The following ERN1 variants were observed in gnomAD, a reference collection of about 807,000 sequenced individuals.
The protein encoded by ERN1 is serine/threonine-protein kinase/endoribonuclease IRE1.
A neutral mutation model predicts 113.1 loss-of-function variants in ERN1; 39 were observed. That is an observed-to-expected ratio of 0.34 (90% CI 0.27 to 0.45). The LOEUF (loss-of-function observed/expected upper bound fraction) is 0.45. ERN1 is among the 20% of genes least tolerant of loss of function. The pLI is 1.00. For synonymous variants in ERN1, 507 were observed against 515.9 expected (o/e 0.98, Z 0.23); for missense variants, 976 against 1,274.8 (o/e 0.77, Z 3.57).
intron 18 of ERN1, 146 bp from the exon 19 acceptor site, chr17:64,048,131 A>C: frequency 1.3e-6 from 1 of 767,474 alleles, no homozygotes. Flanking sequence ...ACAGACACAA[A>C]ACCTCAGCCA....
chr17:64,107,579 T>A (rs1251083517), intron 1 of ERN1, among the ~76,000 whole-genome samples: 1 of 152,106 alleles, frequency 6.6e-6, no homozygotes, highest in Non-Finnish European at 1.5e-5. Flanking sequence ...GCCTCACCTC[T>A]CAAAGTGCTG....
chr17:64,120,073 T>A (rs910082654), intron 1 of ERN1, among the ~76,000 whole-genome samples: 22 of 152,022 alleles, frequency 1.4e-4, no homozygotes, highest in South Asian at 4.2e-4. Context: ...ATTTTTTTTT[T>A]AAAAAAGAAA....
intron 2 of ERN1, among the ~76,000 whole-genome samples, chr17:64,092,918 G>C (rs1168100179): frequency 6.6e-6 from 1 of 152,202 alleles, no homozygotes; most frequent in Non-Finnish European, 1.5e-5. Flanking sequence ...ATTCACTGGT[G>C]AGGTTTTAGA....
At chr17:64,077,359 C>T (rs1913624188) in intron 4 of ERN1, among the ~76,000 whole-genome samples, 1 of 152,204 alleles carries the variant, frequency 6.6e-6, no homozygotes, top group Non-Finnish European at 1.5e-5. Context: ...TCAAGTTTCA[C>T]AAAGTGAACA....
At chr17:64,084,982 T>C (rs375552630) in intron 2 of ERN1, among the ~76,000 whole-genome samples, 16 of 152,212 alleles carry the variant, frequency 1.1e-4, no homozygotes, top group African/African-American at 3.6e-4. Context: ...CCCTGCTTAA[T>C]TTTTCTCCAT....
intron 2 of ERN1, among the ~76,000 whole-genome samples, chr17:64,082,348 G>A (rs1326925525): frequency 1.3e-5 from 2 of 152,146 alleles, no homozygotes; most frequent in Non-Finnish European, 2.9e-5. Context: ...ACAGACTGAT[G>A]CAAGAGACAG....
chr17:64,071,613 G>T lies in ERN1; in HGVS notation c.478+368C>A, dbSNP rs545147844. On this transcript the variant is annotated intron_variant, in intron 6 of 21. Coordinates refer to ENST00000433197, the MANE Select transcript of ERN1 (RefSeq NM_001433.5). ...TTTTGTATTTTTTTAGTACAGATGG[G>T]GTTTCGCCATGTTGGTCAGGCTGGT... Among the ~76,000 whole-genome samples the T allele has an allele frequency of 1.7e-4, 26 of 152,156 alleles. No individual in the cohort carries two copies. The South Asian group carries it at 5.0e-3, about 29-fold the overall frequency.
At chr17:64,077,743 TTTC>T (rs1242127279) in intron 4 of ERN1, among the ~76,000 whole-genome samples, 2 of 147,814 alleles carry the variant, frequency 1.4e-5, no homozygotes, top group African/African-American at 5.0e-5. Context: ...CAAAAGTGCA[TTTC>T]TTCTTTTTTT....
chr17:64,061,399 CACTCT>C (rs1913050125), intron 10 of ERN1, among the ~76,000 whole-genome samples: 1 of 152,204 alleles, frequency 6.6e-6, no homozygotes, highest in Non-Finnish European at 1.5e-5. Flanking sequence ...GAGCAGATCT[CACTCT>C]GACTCACGTC....
intron 1 of ERN1, among the ~76,000 whole-genome samples, chr17:64,109,587 G>A (rs762267190): frequency 3.3e-5 from 5 of 152,162 alleles, no homozygotes; most frequent in Admixed American, 6.5e-5. Flanking sequence ...AAGTCCATGC[G>A]GTTCCACACA....
chr17:64,053,047 T>G, intron 16 of ERN1, 68 bp from the exon 17 acceptor site: 2 of 1,290,474 alleles, frequency 1.5e-6, no homozygotes, highest in Non-Finnish European at 2.2e-6. Context: ...CAATGGGGAA[T>G]GTGTCCTCGT....
At chr17:64,056,033 G>A in intron 12 of ERN1, 85 bp from the exon 13 acceptor site, 1 of 1,460,262 alleles carries the variant, frequency 6.8e-7, no homozygotes, top group East Asian at 2.5e-5. Context: ...CCCAGTGGCG[G>A]AGGGAGCATG....
chr17:64,108,985 G>T (rs549969782), intron 1 of ERN1, among the ~76,000 whole-genome samples: 1 of 152,090 alleles, frequency 6.6e-6, no homozygotes, highest in Non-Finnish European at 1.5e-5. Context: ...TTAGCTGGGC[G>T]TGGTGGCGGG....
At chr17:64,102,841 G>GTTTCAAGTTAACAA (rs1914423981) in intron 1 of ERN1, 1 of 985,018 alleles carries the variant, frequency 1.0e-6, no homozygotes. Context: ...CTGCAGATCT[G>GTTTCAAGTTAACAA]TTTCAAGTTA....
intron 17 of ERN1, among the ~76,000 whole-genome samples, chr17:64,050,922 G>A (rs1331194546): frequency 6.6e-6 from 1 of 152,160 alleles, no homozygotes; most frequent in Non-Finnish European, 1.5e-5. Context: ...CAAGATGACT[G>A]ACCCACCCAG....
Position 64,044,012 on chromosome 17 carries a change from G to T in ERN1, c.2910C>A (p.Pro970=), listed in dbSNP as rs942682375. 5.0e-6 allele frequency: 8 copies of T among 1,612,402 alleles called. No individual in the cohort carries two copies. Among genetic ancestry groups the T allele is most frequent in the Non-Finnish European group, 6.8e-6 (8 of 1,179,138 alleles). Residue 970 remains proline, a synonymous_variant, in exon 22 of 22, where the codon CCC becomes CCA. Transcript: ENST00000433197. The surrounding 1 kb of genome is among the most constrained non-coding windows in gnomAD (Gnocchi z 4.1). The part of the protein sequence containing the change: ...YYFHEPPEPQ[P]PVTPDAL ...CTCAGAGGGCGTCTGGAGTCACTGG[G>T]GGCTGGGGCTCTGGGGGCTCGTGGA...
Position 64,130,101 on chromosome 17 carries a change from A to G in ERN1, c.-72T>C, listed in dbSNP as rs1445831533. ...GGGCGGGGGCGCCGCGACGACAGCGAGGCGGTGACCGAGCCTCAGCGGACG... is the reference window on the plus strand; with the variant it reads ...GGGCGGGGGCGCCGCGACGACAGCGGGGCGGTGACCGAGCCTCAGCGGACG... On this transcript the variant is annotated 5_prime_UTR_variant, in exon 1 of 22. Transcript: ENST00000433197. The surrounding 1 kb of genome is among the most constrained non-coding windows in gnomAD (Gnocchi z 4.0). The G allele has an allele frequency of 6.4e-6, 8 of 1,258,818 alleles. No homozygotes were observed. Among genetic ancestry groups the G allele is most frequent in the Middle Eastern group, 2.6e-4 (1 of 3,920 alleles). 78.0% of individuals were successfully genotyped at this position (1,258,818 alleles called of 1,614,324 possible). A position where few individuals can be genotyped will look rare whatever the true frequency, so the allele number is the denominator to read the frequency against.
intron 12 of ERN1, among the ~76,000 whole-genome samples, chr17:64,057,111 T>A (rs1186139310): frequency 6.6e-6 from 1 of 152,232 alleles, no homozygotes; most frequent in African/African-American, 2.4e-5. Context: ...CACAGGCAGC[T>A]TCTTTTTTCT....
Position 64,075,267 on chromosome 17 carries a change from G to GAAA in ERN1, c.283-23_283-21dup. ...AAGTTTCTTTAAAAAAAAAAAAAAA[G>GAAA]AAAAAAAAAAGTTAACCAAGTCTTG... On this transcript the variant is annotated intron_variant, in intron 4 of 21. Transcript: ENST00000433197. The GAAA allele has an allele frequency of 1.7e-6, 1 of 592,722 alleles. No individual in the cohort carries two copies. The highest frequency in any genetic ancestry group is 2.6e-6 in the Non-Finnish European group (1 of 390,672). The allele number at this position is 592,722 out of a possible 1,614,324, so 36.7% of individuals were successfully genotyped here.
Sources: allele counts gnomAD v4.1 joint callset (sites outside exome capture counted in the v4.1 genomes callset), GRCh38; gene constraint gnomAD v4.1.1; non-coding constraint Gnocchi (gnomAD v3.1); transcripts MANE v1.5; gene names NCBI Gene and HGNC (gene_info 2026-07-23, HGNC 2026-07-21).